The following SLC8A1 variants were observed in gnomAD, a reference collection of about 807,000 sequenced individuals.
SLC8A1 encodes the protein sodium/calcium exchanger 1.
A neutral mutation model predicts 68.3 loss-of-function variants in SLC8A1; 18 were observed. The observed-to-expected ratio is 0.26, with a 90% CI of 0.18 to 0.39. The LOEUF (loss-of-function observed/expected upper bound fraction) is 0.39. Ranked by LOEUF, SLC8A1 falls within the 10% of genes least tolerant of loss-of-function variation. The pLI is 1.00. For missense variants in SLC8A1, 985 were observed against 1,156.7 expected, an observed-to-expected ratio of 0.85 and a Z score of 2.15; for synonymous variants, 475 against 415.5, an observed-to-expected ratio of 1.14 and a Z score of -1.74.
In SLC8A1 at chr2:40,400,172, G is replaced by C. The variant is rs183238473; in HGVS notation, c.1808+28301C>G. On this transcript the variant is annotated intron_variant, in intron 2 of 7. Coordinates refer to ENST00000406785, the Ensembl canonical transcript of SLC8A1. ...CTCACTCGGTGAGCTCGGCTCTTGA[G>C]ACAGGAGTCTTGCCGATGCCCCCGG... 1.3e-3 allele frequency among the ~76,000 whole-genome samples: 202 copies of C among 152,266 alleles called. 2 individuals carry two copies. The highest frequency in any genetic ancestry group is 1.8e-4 in the Non-Finnish European group (12 of 68,028).
chr2:40,408,945 A>G (rs1031838244), intron 2 of SLC8A1, among the ~76,000 whole-genome samples: 3 of 152,202 alleles, frequency 2.0e-5, no homozygotes, highest in African/African-American at 7.2e-5. Context: ...AGAGAAAAAA[A>G]CAAAATTTTC....
At chr2:40,431,272 A>AT (rs1187584760) in intron 1 of SLC8A1, among the ~76,000 whole-genome samples, 12 of 152,146 alleles carry the variant, frequency 7.9e-5, no homozygotes, top group African/African-American at 2.9e-4. Context: ...CATATTTTCC[A>AT]TGGTCATTCT....
At chr2:40,363,132 G>T (rs543398154) in intron 2 of SLC8A1, among the ~76,000 whole-genome samples, 1 of 151,948 alleles carries the variant, frequency 6.6e-6, no homozygotes, top group Non-Finnish European at 1.5e-5. Context: ...GAATGAAAAA[G>T]GTTTTACTAC....
chr2:40,312,587 A>T (rs918839625), intron 2 of SLC8A1, among the ~76,000 whole-genome samples: 3 of 152,058 alleles, frequency 2.0e-5, no homozygotes, highest in African/African-American at 4.8e-5. Flanking sequence ...ATGGAAGCAA[A>T]TTTTTCTATA....
At chr2:40,231,170 G>A (rs779514910) in intron 2 of SLC8A1, among the ~76,000 whole-genome samples, 16 of 152,166 alleles carry the variant, frequency 1.1e-4, no homozygotes, top group Non-Finnish European at 1.8e-4. Context: ...TACAAGAGAG[G>A]TGCTGGTTCT....
chr2:40,440,952 A>T (rs573632734), intron 1 of SLC8A1, among the ~76,000 whole-genome samples: 2 of 152,096 alleles, frequency 1.3e-5, no homozygotes, highest in Non-Finnish European at 2.9e-5. Context: ...GAGAAAGAAA[A>T]AAAGGGTGTT....
intron 2 of SLC8A1, among the ~76,000 whole-genome samples, chr2:40,222,815 G>C (rs1030432258): frequency 6.6e-6 from 1 of 152,198 alleles, no homozygotes; most frequent in South Asian, 2.1e-4. Flanking sequence ...AAGCCACAAT[G>C]AGATACCATC....
intron 2 of SLC8A1, chr2:40,177,969 A>C: frequency 4.2e-6 from 3 of 716,494 alleles, no homozygotes; most frequent in Non-Finnish European, 7.5e-6. Context: ...CTGGCAGCAC[A>C]TGGGCCTCCT....
intron 7 of SLC8A1, among the ~76,000 whole-genome samples, chr2:40,119,895 T>C (rs867470103): frequency 1.3e-5 from 2 of 152,218 alleles, no homozygotes; most frequent in South Asian, 2.1e-4. Context: ...GGAGACAGCA[T>C]GGCTGGAATT....
intron 2 of SLC8A1, among the ~76,000 whole-genome samples, chr2:40,348,432 T>G (rs895282707): frequency 7.9e-5 from 12 of 152,200 alleles, no homozygotes; most frequent in Admixed American, 2.6e-4. Flanking sequence ...TTTCAGACAT[T>G]TTAAATGCCA....
intron 1 of SLC8A1, among the ~76,000 whole-genome samples, chr2:40,475,417 G>T (rs1308853878): frequency 6.6e-6 from 1 of 152,034 alleles, no homozygotes; most frequent in Non-Finnish European, 1.5e-5. Flanking sequence ...ACAGGCATGA[G>T]CCACCGTGCC....
intron 2 of SLC8A1, among the ~76,000 whole-genome samples, chr2:40,387,936 CAAAA>C (rs57394425): frequency 0.41 from 36,946 of 90,370 alleles, 5,331 homozygotes; most frequent in Admixed American, 0.46. Context: ...GAGACTGCCT[CAAAA>C]AAAAAAAAAA....
chr2:40,259,654 C>T (rs761897613), intron 2 of SLC8A1, among the ~76,000 whole-genome samples: 9 of 152,000 alleles, frequency 5.9e-5, no homozygotes, highest in Non-Finnish European at 1.3e-4. Context: ...AATCTTTATA[C>T]CCATAAGAGA....
intron 2 of SLC8A1, among the ~76,000 whole-genome samples, chr2:40,366,813 A>T (rs911514955): frequency 1.3e-5 from 2 of 151,570 alleles, no homozygotes; most frequent in African/African-American, 2.4e-5. Flanking sequence ...TGATGAAAAT[A>T]TACTTTACAT....
chr2:40,355,089 G>A (rs561917739), intron 2 of SLC8A1, among the ~76,000 whole-genome samples: 2 of 152,110 alleles, frequency 1.3e-5, no homozygotes, highest in African/African-American at 4.8e-5. Context: ...CTCTTGTATT[G>A]CAAGAACTGA....
intron 1 of SLC8A1, among the ~76,000 whole-genome samples, chr2:40,471,742 T>A (rs967936471): frequency 6.6e-6 from 1 of 152,212 alleles, no homozygotes; most frequent in African/African-American, 2.4e-5. Context: ...TTGCAATAAA[T>A]GGAAACAAAT....
At chr2:40,414,778 A>T (rs1156683485) in intron 2 of SLC8A1, among the ~76,000 whole-genome samples, 4 of 152,154 alleles carry the variant, frequency 2.6e-5, no homozygotes, top group Admixed American at 6.6e-5. Context: ...ACATATAGCT[A>T]ACTTGATTTG....
rs556431707 is a variant in SLC8A1, at chr2:40,428,108, C to G, written c.1808+365G>C. ...ACCTATTGTGATGTTTTAAATATTC[C>G]TTTTCTGAGTATATACCATGTGATT... On this transcript the variant is annotated intron_variant, in intron 2 of 7. Transcript: ENST00000406785. Among the ~76,000 whole-genome samples, 69 of 152,158 alleles carry G rather than the reference C, an allele frequency of 4.5e-4. No individual in the cohort carries two copies. In the South Asian group the frequency reaches 0.014, roughly 30 times the overall value.
chr2:40,360,649 C>G (rs1035974609), intron 2 of SLC8A1, among the ~76,000 whole-genome samples: 1 of 152,170 alleles, frequency 6.6e-6, no homozygotes, highest in African/African-American at 2.4e-5. Context: ...CTGAGGCATA[C>G]AGAGGTTGAG....
Sources: allele counts gnomAD v4.1 joint callset (sites outside exome capture counted in the v4.1 genomes callset), GRCh38; gene constraint gnomAD v4.1.1; transcripts MANE v1.5; gene names NCBI Gene and HGNC (gene_info 2026-07-23, HGNC 2026-07-21).